The following ENTREP2 variants were observed in gnomAD, a reference collection of about 807,000 sequenced individuals.
ENTREP2 encodes protein ENTREP2.
chr15:29,270,890 TA>T, the ENTREP2 span, among the ~76,000 whole-genome samples: 1 of 152,216 alleles, frequency 6.6e-6, no homozygotes, highest in Non-Finnish European at 1.5e-5. Flanking sequence ...AGAAAGTGGA[TA>T]AACTCTTCAA....
At chr15:29,234,247 C>T in the ENTREP2 span, 4 of 1,612,542 alleles carry the variant, frequency 2.5e-6, no homozygotes, top group Non-Finnish European at 3.4e-6. Flanking sequence ...CTTCTCTTCT[C>T]TCTTCCGCAG....
At chr15:29,241,911 G>A in the ENTREP2 span, among the ~76,000 whole-genome samples, 1 of 152,102 alleles carries the variant, frequency 6.6e-6, no homozygotes. Flanking sequence ...GGGTGTGGTG[G>A]TGCATACCTG....
the ENTREP2 span, among the ~76,000 whole-genome samples, chr15:29,466,954 G>A: frequency 7.6e-6 from 1 of 131,332 alleles, no homozygotes; most frequent in Non-Finnish European, 1.6e-5. Context: ...CCAGGGGAGG[G>A]CCCAGGGGAG....
the ENTREP2 span, among the ~76,000 whole-genome samples, chr15:29,407,585 G>C: frequency 6.6e-6 from 1 of 152,068 alleles, no homozygotes; most frequent in Admixed American, 6.6e-5. Context: ...AGTGCACCAG[G>C]CCAGGGCACA....
chr15:29,598,917 C>T, the ENTREP2 span, among the ~76,000 whole-genome samples: 11 of 152,094 alleles, frequency 7.2e-5, no homozygotes, highest in South Asian at 4.1e-4. Context: ...AGGATGGTCT[C>T]GGTCTCCTGA....
the ENTREP2 span, among the ~76,000 whole-genome samples, chr15:29,389,459 A>C: frequency 6.6e-6 from 1 of 151,840 alleles, no homozygotes; most frequent in Non-Finnish European, 1.5e-5. Context: ...AGCTCCCAAC[A>C]CCAATGCTTG....
the ENTREP2 span, among the ~76,000 whole-genome samples, chr15:29,568,710 C>CAAAAAAAAAAAAAAAAAA: frequency 7.8e-6 from 1 of 128,188 alleles, no homozygotes; most frequent in Non-Finnish European, 1.6e-5. Context: ...CCTCTTAAGG[C>CAAAAAAAAAAAAAAAAAA]AAAAAAAAAA....
the ENTREP2 span, among the ~76,000 whole-genome samples, chr15:29,523,459 GAC>G: frequency 6.7e-6 from 1 of 149,838 alleles, no homozygotes; most frequent in African/African-American, 2.5e-5. Context: ...TTAAAGAAAA[GAC>G]ATCCCATGCT....
At chr15:29,424,045 G>T in the ENTREP2 span, among the ~76,000 whole-genome samples, 2 of 152,214 alleles carry the variant, frequency 1.3e-5, no homozygotes, top group Admixed American at 6.5e-5. Context: ...AAGATGGTGT[G>T]TCTAGAGTTT....
the ENTREP2 span, among the ~76,000 whole-genome samples, chr15:29,586,693 G>A: frequency 5.3e-5 from 8 of 151,046 alleles, no homozygotes; most frequent in Non-Finnish European, 7.4e-5. Context: ...AGGTTGCAAT[G>A]AGCCAAGATT....
chr15:29,657,612 AT>A, the ENTREP2 span, among the ~76,000 whole-genome samples: 2 of 151,296 alleles, frequency 1.3e-5, no homozygotes, highest in Admixed American at 1.3e-4. Flanking sequence ...TGATTGGTGC[AT>A]TTTACAGAAC....
the ENTREP2 span, among the ~76,000 whole-genome samples, chr15:29,448,467 C>T: frequency 6.6e-6 from 1 of 152,184 alleles, no homozygotes; most frequent in African/African-American, 2.4e-5. Context: ...TAAAACCATG[C>T]CCAGGTCATA....
chr15:29,470,023 G>T, the ENTREP2 span, among the ~76,000 whole-genome samples: 1 of 152,208 alleles, frequency 6.6e-6, no homozygotes. Context: ...GCAAGCCACA[G>T]ATTCAATATC....
chr15:29,579,149 A>AT, the ENTREP2 span, among the ~76,000 whole-genome samples: 2 of 152,206 alleles, frequency 1.3e-5, no homozygotes, highest in African/African-American at 4.8e-5. Flanking sequence ...ATGGAGTAAA[A>AT]TTTATCATTT....
At chr15:29,235,131 G>A in the ENTREP2 span, 5,843 of 978,920 alleles carry the variant, frequency 6.0e-3, 217 homozygotes, top group African/African-American at 0.08. Flanking sequence ...GAGCCACCCC[G>A]AGACATGGCT....
chr15:29,400,519 T>C, the ENTREP2 span, among the ~76,000 whole-genome samples: 2 of 152,208 alleles, frequency 1.3e-5, no homozygotes, highest in African/African-American at 4.8e-5. Context: ...ATCTACGCAA[T>C]AAGAAGTGCT....
At chr15:29,397,239 C>A in the ENTREP2 span, among the ~76,000 whole-genome samples, 128,334 of 151,942 alleles carry the variant, frequency 0.84, 54,394 homozygotes, top group African/African-American at 0.91. Flanking sequence ...AAAATACAAA[C>A]AATTAGCCAG....
At chr15:29,139,486 C>G in the ENTREP2 span, among the ~76,000 whole-genome samples, 1 of 152,206 alleles carries the variant, frequency 6.6e-6, no homozygotes, top group Admixed American at 6.5e-5. Flanking sequence ...CAATTAGTCT[C>G]TATCAGAAAT....
the ENTREP2 span, among the ~76,000 whole-genome samples, chr15:29,451,800 G>T: frequency 6.6e-6 from 1 of 152,224 alleles, no homozygotes; most frequent in Non-Finnish European, 1.5e-5. Flanking sequence ...TGCAAGTCCT[G>T]CTCACTGGCA....
Sources: gnomAD v4.1 joint callset for allele counts (sites outside exome capture counted in the v4.1 genomes callset) on GRCh38, gnomAD v4.1.1 for gene constraint, MANE v1.5 for transcripts, NCBI Gene and HGNC (gene_info 2026-07-23, HGNC 2026-07-21) for gene names.